The following FRMPD1 variants were observed in gnomAD, a reference collection of about 807,000 sequenced individuals.
FRMPD1 encodes the protein FERM and PDZ domain-containing protein 1.
Under a neutral mutation model 117.8 loss-of-function variants are expected in FRMPD1, and 76 were observed. The observed-to-expected ratio is 0.65, with a 90% confidence interval of 0.54 to 0.78. FRMPD1 has a LOEUF of 0.78. Among genes scored for constraint, FRMPD1 ranks in the 30% least tolerant of loss-of-function variants. FRMPD1 has a pLI of 0.00. For missense variants in FRMPD1, 1,786 were observed against 1,964.5 expected (o/e 0.91, Z 1.72); for synonymous variants, 783 against 770.4 (o/e 1.02, Z -0.27).
chr9:37,693,487 C>T (rs1418027788), intron 2 of FRMPD1, among the ~76,000 whole-genome samples: 1 of 152,158 alleles, frequency 6.6e-6, no homozygotes, highest in Non-Finnish European at 1.5e-5. Flanking sequence ...GCTCAGGGCT[C>T]CACTGCCCTG....
chr9:37,729,950 G>T, intron 8 of FRMPD1, 97 bp downstream of exon 8: 15 of 1,277,476 alleles, frequency 1.2e-5, no homozygotes, highest in Non-Finnish European at 1.6e-5. Flanking sequence ...CACATCTGCA[G>T]GTTTGATGCA....
chr9:37,623,568 G>A, the FRMPD1 span, among the ~76,000 whole-genome samples: 1 of 152,084 alleles, frequency 6.6e-6, no homozygotes, highest in East Asian at 1.9e-4. Flanking sequence ...GGACTAGAGA[G>A]CACAGAAGAC....
chr9:37,739,466 A>G (rs1824281416), intron 14 of FRMPD1, among the ~76,000 whole-genome samples: 1 of 152,108 alleles, frequency 6.6e-6, no homozygotes, highest in Admixed American at 6.5e-5. Context: ...GCCTCCTACC[A>G]TTAATCCTTC....
chr9:37,722,884 C>T (rs1823458830), intron 6 of FRMPD1, among the ~76,000 whole-genome samples: 1 of 152,012 alleles, frequency 6.6e-6, no homozygotes, highest in Non-Finnish European at 1.5e-5. Context: ...CCTATTAACT[C>T]GTCATTTAGC....
At chr9:37,730,328 CAAT>C (rs1823814891) in intron 8 of FRMPD1, among the ~76,000 whole-genome samples, 1 of 152,150 alleles carries the variant, frequency 6.6e-6, no homozygotes, top group South Asian at 2.1e-4. Context: ...CCCAACCATT[CAAT>C]AATATGTTGT....
chr9:37,728,751 T>G (rs1563953650), intron 7 of FRMPD1, among the ~76,000 whole-genome samples: 1 of 151,926 alleles, frequency 6.6e-6, no homozygotes, highest in South Asian at 2.1e-4. Context: ...TCACCTGAGG[T>G]CGGGAGTTCG....
Position 37,682,340 on chromosome 9 carries a change from TC to T in FRMPD1, c.-4-10297del, listed in dbSNP as rs1443529289. Among the ~76,000 whole-genome samples the T allele has an allele frequency of 3.3e-5, 5 of 152,292 alleles. No homozygotes were observed. The East Asian group carries it at 7.7e-4, about 23-fold the overall frequency. On this transcript the variant is annotated intron_variant, in intron 1 of 15. Transcript: ENST00000377765. The stretch of plus-strand genomic sequence containing the variant: ...TAGTTTCCCTCCTTCCCCAAATTGA[TC>T]AAGAGAGCAGTGTTTTGGGGGCAAT...
rs183287673 is a variant in FRMPD1, at chr9:37,744,910, C to A, written c.2878C>A (p.Pro960Thr). 2.5e-5 allele frequency: 41 copies of A among 1,614,164 alleles called. No homozygotes were observed. The highest frequency in any genetic ancestry group is 3.3e-5 in the Admixed American group (2 of 60,034). Residue 960 changes from proline (P) to threonine (T), a missense_variant, in exon 16 of 16, where the codon CCT (proline) becomes ACT (threonine). Pro to Thr is a conservative substitution (Grantham distance 38). Coordinates refer to ENST00000377765, the MANE Select transcript of FRMPD1 (RefSeq NM_014907.3). The part of the protein sequence containing the change: ...PNNKENSGVV[P>T]AASSSASTPH... ...CAATAAAGAGAATTCTGGTGTTGTC[C>A]CTGCTGCCAGCTCCTCAGCAAGCAC...
rs569485988 is a variant in FRMPD1 at position 37,677,622 on chromosome 9, C to T, written c.-4-15016C>T. Among the ~76,000 whole-genome samples the T allele has an allele frequency of 4.0e-3, 605 of 152,250 alleles. 9 individuals are homozygous for T. Among genetic ancestry groups the T allele is most frequent in the South Asian group, 0.022 (106 of 4,818 alleles). On this transcript the variant is annotated intron_variant, in intron 1 of 15. Coordinates refer to ENST00000377765, the MANE Select transcript of FRMPD1 (RefSeq NM_014907.3). ...AGGTTAGCACAAGGTTAGTGAGAGT[C>T]GGGGTTGGAACTAGGACATGATAAG...
chr9:37,659,915 TAA>T (rs36016239), intron 1 of FRMPD1, among the ~76,000 whole-genome samples: 26,240 of 103,486 alleles, frequency 0.25, 3,326 homozygotes, highest in East Asian at 0.48. Context: ...TTTCAAGCAC[TAA>T]AAAAAAAAAA....
chr9:37,740,194 G>C lies in FRMPD1; in HGVS notation c.1666G>C (p.Glu556Gln), dbSNP rs577053157. Residue 556 changes from glutamate (E) to glutamine (Q), a missense_variant, in exon 15 of 16, where the codon GAG becomes CAG. Coordinates refer to ENST00000377765, the MANE Select transcript of FRMPD1 (RefSeq NM_014907.3). The surrounding 1 kb of genome is among the most constrained non-coding windows in gnomAD (Gnocchi z 4.2). Reference protein sequence around the residue: ...KLAPCRSLIKEEQPPGNSPTP... With the variant: ...KLAPCRSLIKQEQPPGNSPTP... ...GGCACCCTGCAGATCACTCATAAAG[G>C]AGGAGCAGCCTCCTGGGAACAGCCC... 8 of 1,613,974 alleles carry C rather than the reference G, an allele frequency of 5.0e-6. No individual in the cohort carries two copies. Among genetic ancestry groups the C allele is most frequent in the Non-Finnish European group, 6.8e-6 (8 of 1,179,924 alleles).
intron 4 of FRMPD1, among the ~76,000 whole-genome samples, chr9:37,709,027 A>G (rs1822815704): frequency 6.6e-6 from 1 of 152,162 alleles, no homozygotes; most frequent in Admixed American, 6.5e-5. Flanking sequence ...CTCGCTTTTT[A>G]CCTAGACAAT....
chr9:37,731,327 ATGT>A (rs1823870911), intron 9 of FRMPD1, among the ~76,000 whole-genome samples: 1 of 152,230 alleles, frequency 6.6e-6, no homozygotes, highest in South Asian at 2.1e-4. Flanking sequence ...TCAGTCCTCA[ATGT>A]AGATGATACA....
intron 2 of FRMPD1, among the ~76,000 whole-genome samples, chr9:37,695,682 G>A (rs1822294781): frequency 6.6e-6 from 1 of 152,070 alleles, no homozygotes; most frequent in Non-Finnish European, 1.5e-5. Context: ...CTACCACCTT[G>A]TTGCCTGGTC....
At position 37,746,847 on chromosome 9, in the gene FRMPD1, C is replaced by A; in HGVS notation, c.*78C>A. On this transcript the variant is annotated 3_prime_UTR_variant, in exon 16 of 16. Coordinates refer to ENST00000377765, the MANE Select transcript of FRMPD1 (RefSeq NM_014907.3). Reference sequence around the variant, plus strand: ...TGAGAAGCCCCTTCCACTCTCCCACCCACCCTCTTCAAATGTTTACTATAT... The same window carrying A: ...TGAGAAGCCCCTTCCACTCTCCCACACACCCTCTTCAAATGTTTACTATAT... 1 of 905,676 alleles carries A rather than the reference C, an allele frequency of 1.1e-6. No homozygotes were observed. The highest frequency in any genetic ancestry group is 2.1e-5 in the Admixed American group (1 of 47,090). 56.1% of individuals were successfully genotyped at this position (905,676 alleles called of 1,614,324 possible). A position where few individuals can be genotyped will look rare whatever the true frequency, so the allele number is the denominator to read the frequency against.
At chr9:37,612,143 A>C in the FRMPD1 span, among the ~76,000 whole-genome samples, 1 of 152,198 alleles carries the variant, frequency 6.6e-6, no homozygotes, top group African/African-American at 2.4e-5. Context: ...TGGATTGACC[A>C]GTAAACCATT....
the FRMPD1 span, among the ~76,000 whole-genome samples, chr9:37,628,772 G>A: frequency 8.5e-5 from 13 of 152,174 alleles, no homozygotes; most frequent in Non-Finnish European, 2.9e-5. Flanking sequence ...TCTTTCGCAA[G>A]CTCCTTCCTC....
At chr9:37,641,108 G>A in the FRMPD1 span, among the ~76,000 whole-genome samples, 1 of 152,132 alleles carries the variant, frequency 6.6e-6, no homozygotes, top group Non-Finnish European at 1.5e-5. Context: ...GGCTGGTCCT[G>A]GACTCCTGAG....
chr9:37,620,500 T>C, the FRMPD1 span, among the ~76,000 whole-genome samples: 3 of 151,186 alleles, frequency 2.0e-5, no homozygotes, highest in Non-Finnish European at 4.4e-5. Flanking sequence ...AAATGGTTGC[T>C]ATTGATCATC....
Sources: allele counts gnomAD v4.1 joint callset (sites outside exome capture counted in the v4.1 genomes callset), GRCh38; gene constraint gnomAD v4.1.1; non-coding constraint Gnocchi (gnomAD v3.1); transcripts MANE v1.5; gene names NCBI Gene and HGNC (gene_info 2026-07-23, HGNC 2026-07-21).